ROR2: variants seen among roughly 807,000 people sequenced by gnomAD.
ROR2 encodes ROR family WNT receptor 2, also known as tyrosine-protein kinase transmembrane receptor ROR2.
Under a neutral mutation model 74.9 loss-of-function variants are expected in ROR2, and 33 were observed. The ratio of observed to expected loss-of-function variants is 0.44; its 90% CI spans 0.33 to 0.59. ROR2 has a LOEUF of 0.59. Ranked by LOEUF, ROR2 falls within the 20% of genes least tolerant of loss-of-function variation. The pLI is 0.02. For missense variants in ROR2, 1,216 were observed against 1,313.8 expected (o/e 0.93, Z 1.15); for synonymous variants, 586 against 558.7 (o/e 1.05, Z -0.69).
intron 1 of ROR2, among the ~76,000 whole-genome samples, chr9:91,935,029 C>T (rs189339071): frequency 4.3e-4 from 66 of 152,278 alleles, no homozygotes; most frequent in Admixed American, 4.1e-3. Flanking sequence ...ACTGTTAATA[C>T]AATCAGAAGA....
chr9:91,742,250 G>C (rs530778808), intron 4 of ROR2, among the ~76,000 whole-genome samples: 2 of 152,112 alleles, frequency 1.3e-5, no homozygotes, highest in African/African-American at 2.4e-5. Context: ...AGGAAAGACC[G>C]ACCCCCATGA....
intron 1 of ROR2, among the ~76,000 whole-genome samples, chr9:91,801,394 G>A (rs540401100): frequency 3.3e-5 from 5 of 152,222 alleles, no homozygotes; most frequent in East Asian, 1.9e-4. Context: ...GTGCAGTGGC[G>A]CAATCTCAGC....
chr9:91,755,401 A>G (rs1825716277), intron 4 of ROR2, among the ~76,000 whole-genome samples: 1 of 152,252 alleles, frequency 6.6e-6, no homozygotes, highest in Admixed American at 6.5e-5. Context: ...GAAATGCAGG[A>G]AACCCGGACA....
chr9:91,883,607 G>T (rs1057302967), intron 1 of ROR2, among the ~76,000 whole-genome samples: 1 of 152,160 alleles, frequency 6.6e-6, no homozygotes, highest in Non-Finnish European at 1.5e-5. Context: ...GACAAATATA[G>T]AACATTTCTA....
intron 5 of ROR2, among the ~76,000 whole-genome samples, chr9:91,734,970 T>C (rs2118712818): frequency 6.6e-6 from 1 of 151,898 alleles, no homozygotes; most frequent in South Asian, 2.1e-4. Flanking sequence ...GCTTCAACCC[T>C]GTTCAATCCC....
intron 1 of ROR2, among the ~76,000 whole-genome samples, chr9:91,873,115 G>A (rs1295851598): frequency 2.0e-5 from 3 of 152,264 alleles, no homozygotes; most frequent in East Asian, 1.9e-4. Flanking sequence ...CTGTGGGTCC[G>A]GCTTGCTTTT....
intron 1 of ROR2, among the ~76,000 whole-genome samples, chr9:91,886,506 C>T (rs553074773): frequency 1.7e-5 from 2 of 117,892 alleles, no homozygotes; most frequent in South Asian, 2.4e-4. Context: ...CCACGCACGG[C>T]GCGGCAGCCC....
intron 1 of ROR2, among the ~76,000 whole-genome samples, chr9:91,799,188 T>A (rs1048547370): frequency 4.6e-5 from 7 of 152,124 alleles, no homozygotes; most frequent in African/African-American, 1.7e-4. Context: ...CTGGAAGGTA[T>A]CTTTCCTCTA....
At chr9:91,857,972 C>T (rs760008158) in intron 1 of ROR2, among the ~76,000 whole-genome samples, 2 of 152,118 alleles carry the variant, frequency 1.3e-5, no homozygotes, top group Non-Finnish European at 2.9e-5. Flanking sequence ...AGGGTGGAAA[C>T]GACGACCACA....
At chr9:91,754,715 A>G (rs1345356397) in intron 4 of ROR2, among the ~76,000 whole-genome samples, 1 of 152,226 alleles carries the variant, frequency 6.6e-6, no homozygotes, top group Non-Finnish European at 1.5e-5. Flanking sequence ...CAATAGTTCA[A>G]CTTTTGAAAT....
At chr9:91,879,820 C>T (rs1027408848) in intron 1 of ROR2, among the ~76,000 whole-genome samples, 2 of 152,114 alleles carry the variant, frequency 1.3e-5, no homozygotes, top group African/African-American at 4.8e-5. Flanking sequence ...ACAAGAACTG[C>T]AGAAAGTCTA....
At chr9:91,775,405 T>C (rs1826385468) in intron 2 of ROR2, among the ~76,000 whole-genome samples, 1 of 151,894 alleles carries the variant, frequency 6.6e-6, no homozygotes, top group African/African-American at 2.4e-5. Flanking sequence ...GGGCCGTCCA[T>C]CTGCCCACTG....
rs553600860 is a variant in ROR2 at position 91,905,481 on chromosome 9, C to G, written c.97+44386G>C. 6.6e-6 allele frequency among the ~76,000 whole-genome samples: 1 copy of G among 152,010 alleles called. No homozygotes were observed. Among genetic ancestry groups the G allele is most frequent in the African/African-American group, 2.4e-5 (1 of 41,472 alleles). ...ACACATACCACACACAACAAAGACACAACACATACCACATACACGACATAC... is the reference window on the plus strand; with the variant it reads ...ACACATACCACACACAACAAAGACAGAACACATACCACATACACGACATAC... On this transcript the variant is annotated intron_variant, in intron 1 of 8. Coordinates refer to ENST00000375708, the MANE Select transcript of ROR2 (RefSeq NM_004560.4). This position sits in a 1 kb window ranked among gnomAD's most constrained non-coding sequence, Gnocchi z 5.3.
chr9:91,740,583 T>G (rs1176002788), intron 4 of ROR2, among the ~76,000 whole-genome samples: 1 of 150,666 alleles, frequency 6.6e-6, no homozygotes, highest in Non-Finnish European at 1.5e-5. Flanking sequence ...TATGTATATA[T>G]ATATATACAT....
chr9:91,875,585 C>G (rs1287482740), intron 1 of ROR2, among the ~76,000 whole-genome samples: 1 of 152,092 alleles, frequency 6.6e-6, no homozygotes, highest in African/African-American at 2.4e-5. Context: ...CATAGCCATA[C>G]AGAGAACATG....
chr9:91,909,924 G>A (rs904076215), intron 1 of ROR2, among the ~76,000 whole-genome samples: 3 of 133,800 alleles, frequency 2.2e-5, no homozygotes, highest in African/African-American at 8.5e-5. Context: ...GTGCAGTGGC[G>A]CAATCCAGCT....
At chr9:91,730,066 C>T (rs2118673995) in intron 7 of ROR2, among the ~76,000 whole-genome samples, 1 of 152,276 alleles carries the variant, frequency 6.6e-6, no homozygotes, top group Non-Finnish European at 1.5e-5. Context: ...AAGCAATCCT[C>T]CCACCTCCAC....
intron 1 of ROR2, among the ~76,000 whole-genome samples, chr9:91,831,611 A>G (rs1270682477): frequency 6.6e-6 from 1 of 152,092 alleles, no homozygotes; most frequent in Non-Finnish European, 1.5e-5. Flanking sequence ...CTCTATCTCT[A>G]CTAAAAATAC....
intron 1 of ROR2, among the ~76,000 whole-genome samples, chr9:91,938,083 C>T (rs1406898914): frequency 6.6e-6 from 1 of 152,176 alleles, no homozygotes; most frequent in South Asian, 2.1e-4. Context: ...TAAACAACTT[C>T]AGCTAAAATA....
Sources: gnomAD v4.1 joint callset for allele counts (sites outside exome capture counted in the v4.1 genomes callset) on GRCh38, gnomAD v4.1.1 for gene constraint, Gnocchi (gnomAD v3.1) non-coding constraint, MANE v1.5 for transcripts, NCBI Gene and HGNC (gene_info 2026-07-23, HGNC 2026-07-21) for gene names.